Variants in ZNF804B observed in about 807,000 individuals in gnomAD.
ZNF804B encodes the protein zinc finger protein 804B.
A neutral mutation model predicts 101.4 loss-of-function variants in ZNF804B; 80 were observed. The ratio of observed to expected loss-of-function variants is 0.79; its 90% CI spans 0.66 to 0.95. ZNF804B has a LOEUF of 0.95. ZNF804B is among the 40% of genes least tolerant of loss of function. The probability of loss-of-function intolerance (pLI) is 0.00; values close to 1 mark genes in which losing one functional copy is unlikely to be tolerated. For missense variants in ZNF804B, 1,673 were observed against 1,561.9 expected (o/e 1.07, Z -1.20); for synonymous variants, 622 against 558.8 (o/e 1.11, Z -1.59).
At chr7:89,221,598 G>A (rs1789004225) in intron 2 of ZNF804B, among the ~76,000 whole-genome samples, 2 of 151,752 alleles carry the variant, frequency 1.3e-5, no homozygotes, top group African/African-American at 2.4e-5. Flanking sequence ...CGTGTACTCT[G>A]GAATCCTGCC....
At chr7:89,262,868 A>G (rs563206911) in intron 2 of ZNF804B, among the ~76,000 whole-genome samples, 1 of 152,280 alleles carries the variant, frequency 6.6e-6, no homozygotes, top group African/African-American at 2.4e-5. Flanking sequence ...AGATATTTGG[A>G]CATATTTTGG....
intron 1 of ZNF804B, among the ~76,000 whole-genome samples, chr7:89,191,881 A>ACTCAGG (rs1435150551): frequency 6.6e-6 from 1 of 152,132 alleles, no homozygotes; most frequent in African/African-American, 2.4e-5. Context: ...TCATCCCGTA[A>ACTCAGG]GAATAGCTTA....
intron 1 of ZNF804B, among the ~76,000 whole-genome samples, chr7:89,177,183 GTTAT>G (rs1791335423): frequency 6.6e-6 from 1 of 151,904 alleles, no homozygotes; most frequent in African/African-American, 2.4e-5. Flanking sequence ...TGCTTTTTTA[GTTAT>G]TTAAGATGCA....
At chr7:89,307,155 C>A (rs1214817279) in intron 2 of ZNF804B, among the ~76,000 whole-genome samples, 2 of 151,774 alleles carry the variant, frequency 1.3e-5, no homozygotes, top group Non-Finnish European at 2.9e-5. Context: ...TTATAAGTAA[C>A]ATTATTTTAT....
At chr7:89,273,997 C>T (rs971387735) in intron 2 of ZNF804B, among the ~76,000 whole-genome samples, 4 of 151,964 alleles carry the variant, frequency 2.6e-5, no homozygotes, top group African/African-American at 9.7e-5. Context: ...CTTTCAAATT[C>T]GCGTCTTGGC....
At chr7:88,879,300 G>A (rs1016541647) in intron 1 of ZNF804B, among the ~76,000 whole-genome samples, 4 of 152,024 alleles carry the variant, frequency 2.6e-5, no homozygotes, top group African/African-American at 9.7e-5. Context: ...CCACCAAAGG[G>A]GGTAAAAATT....
At chr7:89,287,944 A>AAC (rs1554389924) in intron 2 of ZNF804B, among the ~76,000 whole-genome samples, 8 of 151,466 alleles carry the variant, frequency 5.3e-5, no homozygotes, top group Non-Finnish European at 1.0e-4. Flanking sequence ...GAAAAAAAAA[A>AAC]CCACATACCA....
chr7:88,785,933 T>C (rs1333650410), intron 1 of ZNF804B, among the ~76,000 whole-genome samples: 1 of 152,144 alleles, frequency 6.6e-6, no homozygotes, highest in Non-Finnish European at 1.5e-5. Flanking sequence ...GAAACCATTG[T>C]AACTTGTATA....
At chr7:89,252,551 G>T (rs1789558256) in intron 2 of ZNF804B, among the ~76,000 whole-genome samples, 1 of 152,056 alleles carries the variant, frequency 6.6e-6, no homozygotes, top group African/African-American at 2.4e-5. Flanking sequence ...CCAAAGAAAA[G>T]AAATCATTCT....
At chr7:88,949,734 T>A (rs1054473522) in intron 1 of ZNF804B, among the ~76,000 whole-genome samples, 1 of 151,950 alleles carries the variant, frequency 6.6e-6, no homozygotes, top group Non-Finnish European at 1.5e-5. Flanking sequence ...ATCAACCACA[T>A]ATATGAAAAT....
chr7:89,250,836 A>C (rs1484839067), intron 2 of ZNF804B, among the ~76,000 whole-genome samples: 2 of 152,254 alleles, frequency 1.3e-5, no homozygotes, highest in Non-Finnish European at 2.9e-5. Context: ...ATGAAAAACA[A>C]AAAATATGAT....
intron 1 of ZNF804B, among the ~76,000 whole-genome samples, chr7:89,117,616 G>A (rs1790330638): frequency 6.6e-6 from 1 of 152,004 alleles, no homozygotes; most frequent in Non-Finnish European, 1.5e-5. Flanking sequence ...ATCTCAAACG[G>A]TTTAAATTGT....
At position 89,004,286 on chromosome 7, in the gene ZNF804B, C is replaced by T. The variant is rs539607607; in HGVS notation, c.109-213869C>T. ...AGAAAGGGTGATTTTTTTTTTGTTT[C>T]CCATCTGACTTTGGCTATATCTTTT... On this transcript the variant is annotated intron_variant, in intron 1 of 3. Coordinates refer to ENST00000333190, the MANE Select transcript of ZNF804B (RefSeq NM_181646.5). Among the ~76,000 whole-genome samples the T allele has an allele frequency of 2.3e-3, 345 of 150,704 alleles. 1 individual carries two copies. Among genetic ancestry groups the T allele is most frequent in the Admixed American group, 4.5e-3 (68 of 15,140 alleles).
chr7:89,322,475 A>G lies in ZNF804B; in HGVS notation c.250-4869A>G, dbSNP rs1196447500. Among the ~76,000 whole-genome samples the G allele has an allele frequency of 3.3e-5, 5 of 152,306 alleles. No individual in the cohort carries two copies. The East Asian group carries it at 5.8e-4, about 18-fold the overall frequency. ...AATATTTAGATGTTATTGAAAGCATACTACTAAATAATATCTGGTTCCTTT... is the reference window on the plus strand; with the variant it reads ...AATATTTAGATGTTATTGAAAGCATGCTACTAAATAATATCTGGTTCCTTT... On this transcript the variant is annotated intron_variant, in intron 2 of 3. Transcript: ENST00000333190.
intron 2 of ZNF804B, among the ~76,000 whole-genome samples, chr7:89,317,783 A>C (rs1790757210): frequency 6.6e-6 from 1 of 152,200 alleles, no homozygotes; most frequent in Non-Finnish European, 1.5e-5. Flanking sequence ...AGAACAACCC[A>C]AAACTCTCAG....
intron 1 of ZNF804B, among the ~76,000 whole-genome samples, chr7:89,104,405 T>C (rs1003009351): frequency 5.9e-5 from 9 of 152,062 alleles, no homozygotes; most frequent in African/African-American, 2.2e-4. Flanking sequence ...ACTGATTCAA[T>C]GTTCTTCTTC....
At chr7:89,297,574 GA>G (rs1162921211) in intron 2 of ZNF804B, among the ~76,000 whole-genome samples, 2 of 151,918 alleles carry the variant, frequency 1.3e-5, no homozygotes, top group African/African-American at 4.8e-5. Context: ...GCAGAACTTT[GA>G]CATTTCTGAG....
At chr7:89,197,406 G>A (rs1055607452) in intron 1 of ZNF804B, among the ~76,000 whole-genome samples, 7 of 151,882 alleles carry the variant, frequency 4.6e-5, no homozygotes, top group Admixed American at 1.3e-4. Flanking sequence ...GAAAATAAAA[G>A]TGACACTACC....
At chr7:88,875,682 A>C (rs1246760125) in intron 1 of ZNF804B, among the ~76,000 whole-genome samples, 3 of 152,050 alleles carry the variant, frequency 2.0e-5, no homozygotes, top group Non-Finnish European at 2.9e-5. Flanking sequence ...CTTACCAACC[A>C]AAAAGAGTCC....
Sources: gnomAD v4.1 joint callset for allele counts (sites outside exome capture counted in the v4.1 genomes callset) on GRCh38, gnomAD v4.1.1 for gene constraint, MANE v1.5 for transcripts, NCBI Gene and HGNC (gene_info 2026-07-23, HGNC 2026-07-21) for gene names.